The following YIPF4 variants were observed in gnomAD, a reference collection of about 807,000 sequenced individuals.
YIPF4 encodes protein YIPF4.
Under a neutral mutation model 29.4 loss-of-function variants are expected in YIPF4, and 18 were observed. The ratio of observed to expected loss-of-function variants is 0.61; its 90% CI spans 0.42 to 0.91. The LOEUF (loss-of-function observed/expected upper bound fraction) is 0.91, where lower values mean the gene tolerates loss of function less well. Among genes scored for constraint, YIPF4 ranks in the 40% least tolerant of loss-of-function variants. The pLI, the probability that YIPF4 is intolerant of heterozygous loss-of-function variation, is 0.00. For synonymous variants in YIPF4, 115 were observed against 104.7 expected (o/e 1.10, Z -0.60); for missense variants, 279 against 282.7 (o/e 0.99, Z 0.09).
In YIPF4 at chr2:32,316,023, A is replaced by C. The variant is rs1266842368; in HGVS notation, c.*10397A>C. ...TAGCGAGACCCCGTTCTCCCCAAAA[A>C]GGAAAAAAAAAAAAAAACCAAAAAA... On this transcript the variant is annotated 3_prime_UTR_variant, in exon 6 of 6. Coordinates refer to ENST00000238831, the MANE Select transcript of YIPF4 (RefSeq NM_032312.4). 1 of 147,114 alleles carries C rather than the reference A, an allele frequency of 6.8e-6. No homozygotes were observed. Among genetic ancestry groups the C allele is most frequent in the East Asian group, 2.0e-4 (1 of 5,084 alleles). 9.1% of individuals were successfully genotyped at this position (147,114 alleles called of 1,614,324 possible).
At chr2:32,303,279 G>C (rs1239849898) in intron 5 of YIPF4, among the ~76,000 whole-genome samples, 1 of 152,182 alleles carries the variant, frequency 6.6e-6, no homozygotes, top group Non-Finnish European at 1.5e-5. Flanking sequence ...AGGATTGCTT[G>C]GGCCCATGAG....
rs923575977 is a variant in YIPF4 at position 32,309,469 on chromosome 2, T to G, written c.*3843T>G. The stretch of plus-strand genomic sequence containing the variant: ...CTTCTAAATTAGTGAAAATTTGCAT[T>G]GAATTAAAATGTGAAGTAAATATTT... On this transcript the variant is annotated 3_prime_UTR_variant, in exon 6 of 6. Coordinates refer to ENST00000238831, the MANE Select transcript of YIPF4 (RefSeq NM_032312.4). 6.6e-6 allele frequency: 1 copy of G among 152,222 alleles called. No homozygotes were observed. Among genetic ancestry groups the G allele is most frequent in the Non-Finnish European group, 1.5e-5 (1 of 68,042 alleles). 9.4% of individuals were successfully genotyped at this position (152,222 alleles called of 1,614,324 possible). A position where few individuals can be genotyped will look rare whatever the true frequency, so the allele number is the denominator to read the frequency against.
In YIPF4 at chr2:32,306,138, C is replaced by A; in HGVS notation, c.*512C>A. On this transcript the variant is annotated 3_prime_UTR_variant, in exon 6 of 6. Coordinates refer to ENST00000238831, the MANE Select transcript of YIPF4 (RefSeq NM_032312.4). ...TAAGATATTAAATCTGATGCACAAA[C>A]TTTTTAATTTGGCCATTAATCTTTT... The A allele has an allele frequency of 1.3e-6, 1 of 791,558 alleles. No homozygotes were observed. The highest frequency in any genetic ancestry group is 5.8e-5 in the South Asian group (1 of 17,246). 49.0% of individuals were successfully genotyped at this position (791,558 alleles called of 1,614,324 possible). A position where few individuals can be genotyped will look rare whatever the true frequency, so the allele number is the denominator to read the frequency against.
chr2:32,298,123 G>T, intron 3 of YIPF4, 111 bp from the exon 4 acceptor site: 1 of 764,704 alleles, frequency 1.3e-6, no homozygotes, highest in South Asian at 1.6e-5. Flanking sequence ...ATCTCTCTAT[G>T]ACCTGAAATT....
chr2:32,295,049 A>G (rs1457654597), intron 3 of YIPF4, among the ~76,000 whole-genome samples: 6 of 87,858 alleles, frequency 6.8e-5, no homozygotes, highest in East Asian at 3.4e-4. Flanking sequence ...CATCAGAGGG[A>G]GAGGGGGAGG....
In YIPF4 at chr2:32,305,931, C is replaced by A. The variant is rs577674716; in HGVS notation, c.*305C>A. The A allele has an allele frequency of 2.0e-6, 2 of 1,015,372 alleles. No individual in the cohort carries two copies. The highest frequency in any genetic ancestry group is 1.2e-6 in the Non-Finnish European group (1 of 850,348). 62.9% of individuals were successfully genotyped at this position (1,015,372 alleles called of 1,614,324 possible). A position where few individuals can be genotyped will look rare whatever the true frequency, so the allele number is the denominator to read the frequency against. ...ACCTAAAAACTTGTGCCAAAAGCACCTGGATTGGTAATTATATTTCACTTA... is the reference window on the plus strand; with the variant it reads ...ACCTAAAAACTTGTGCCAAAAGCACATGGATTGGTAATTATATTTCACTTA... On this transcript the variant is annotated 3_prime_UTR_variant, in exon 6 of 6. Transcript: ENST00000238831.
intron 4 of YIPF4, among the ~76,000 whole-genome samples, 193 bp downstream of exon 4, chr2:32,298,504 T>TA (rs2148965434): frequency 6.6e-6 from 1 of 152,226 alleles, no homozygotes; most frequent in Admixed American, 6.5e-5. Context: ...AAAAAGAAAA[T>TA]ATCCCGTCCC....
intron 5 of YIPF4, among the ~76,000 whole-genome samples, chr2:32,301,852 T>G (rs546241390): frequency 6.6e-6 from 1 of 151,792 alleles, no homozygotes; most frequent in East Asian, 1.9e-4. Flanking sequence ...ACTACATGTG[T>G]GTGCCACCAT....
At chr2:32,288,859 C>G (rs1043233644) in intron 1 of YIPF4, among the ~76,000 whole-genome samples, 3 of 151,890 alleles carry the variant, frequency 2.0e-5, no homozygotes, top group African/African-American at 7.3e-5. Context: ...AATCCCAACT[C>G]AGGAGGCTGG....
chr2:32,283,771 G>A (rs2030536039), intron 1 of YIPF4, among the ~76,000 whole-genome samples: 1 of 150,706 alleles, frequency 6.6e-6, no homozygotes, highest in Admixed American at 6.6e-5. Context: ...GGGCTGGAGT[G>A]CAATGGCGCA....
intron 1 of YIPF4, among the ~76,000 whole-genome samples, chr2:32,283,421 A>G (rs1280415599): frequency 6.6e-6 from 1 of 152,092 alleles, no homozygotes; most frequent in African/African-American, 2.4e-5. Context: ...AATGATAGCT[A>G]TCCTTACTAT....
In YIPF4 at chr2:32,306,770, T is replaced by C; in HGVS notation, c.*1144T>C. 4.6e-6 allele frequency: 1 copy of C among 219,004 alleles called. No individual in the cohort carries two copies. Among genetic ancestry groups the C allele is most frequent in the Non-Finnish European group, 7.8e-6 (1 of 128,804 alleles). The allele number at this position is 219,004 out of a possible 1,614,324, so 13.6% of individuals were successfully genotyped here. On this transcript the variant is annotated 3_prime_UTR_variant, in exon 6 of 6. Transcript: ENST00000238831. Reference sequence around the variant, plus strand: ...TTTGTAAAGTAGGTAAATCATTTTATTTATGTCCATAAAATATCAAATGTC... The same window carrying C: ...TTTGTAAAGTAGGTAAATCATTTTACTTATGTCCATAAAATATCAAATGTC...
rs1187225281 is a variant in YIPF4 at position 32,313,298 on chromosome 2, A to C, written c.*7672A>C. 6.6e-6 allele frequency: 1 copy of C among 152,168 alleles called. No homozygotes were observed. Among genetic ancestry groups the C allele is most frequent in the Non-Finnish European group, 1.5e-5 (1 of 68,024 alleles). 9.4% of individuals were successfully genotyped at this position (152,168 alleles called of 1,614,324 possible). On this transcript the variant is annotated 3_prime_UTR_variant, in exon 6 of 6. Coordinates refer to ENST00000238831, the MANE Select transcript of YIPF4 (RefSeq NM_032312.4). ...AAAATATAAAAAGAAAACCAGTTTGAAGTTTAGTGGTTAATGAAATTGAAC... is the reference window on the plus strand; with the variant it reads ...AAAATATAAAAAGAAAACCAGTTTGCAGTTTAGTGGTTAATGAAATTGAAC...
At chr2:32,288,856 A>G (rs1184221931) in intron 1 of YIPF4, among the ~76,000 whole-genome samples, 2 of 152,030 alleles carry the variant, frequency 1.3e-5, no homozygotes, top group Non-Finnish European at 2.9e-5. Flanking sequence ...TGTAATCCCA[A>G]CTCAGGAGGC....
At chr2:32,293,619 C>T (rs1036542701) in intron 3 of YIPF4, among the ~76,000 whole-genome samples, 4 of 152,192 alleles carry the variant, frequency 2.6e-5, no homozygotes, top group South Asian at 4.1e-4. Context: ...ACCTCCCAGA[C>T]GGGGTGGTGG....
intron 3 of YIPF4, among the ~76,000 whole-genome samples, chr2:32,293,314 A>T (rs1354782733): frequency 6.6e-6 from 1 of 152,180 alleles, no homozygotes; most frequent in Non-Finnish European, 1.5e-5. Flanking sequence ...GCTGCCTTCA[A>T]GCATCTGTTT....
At chr2:32,286,111 A>T (rs762665039) in intron 1 of YIPF4, among the ~76,000 whole-genome samples, 7 of 152,124 alleles carry the variant, frequency 4.6e-5, no homozygotes, top group Non-Finnish European at 7.3e-5. Context: ...GAGTTTTAAA[A>T]CTCATAAGGC....
At chr2:32,303,385 G>A (rs1160394802) in intron 5 of YIPF4, among the ~76,000 whole-genome samples, 2 of 152,168 alleles carry the variant, frequency 1.3e-5, no homozygotes, top group Admixed American at 6.5e-5. Context: ...TTGGCACAGA[G>A]TAGGCACTCA....
intron 1 of YIPF4, among the ~76,000 whole-genome samples, chr2:32,282,526 G>A (rs534516366): frequency 5.9e-5 from 9 of 152,144 alleles, no homozygotes; most frequent in African/African-American, 1.4e-4. Flanking sequence ...TCTGCCTCCC[G>A]GGTTCAAGCG....
Sources: allele counts gnomAD v4.1 joint callset (sites outside exome capture counted in the v4.1 genomes callset), GRCh38; gene constraint gnomAD v4.1.1; transcripts MANE v1.5; gene names NCBI Gene and HGNC (gene_info 2026-07-23, HGNC 2026-07-21).